SDC4: variants seen among roughly 807,000 people sequenced by gnomAD.
SDC4 encodes syndecan 4, also known as syndecan-4.
Under a neutral mutation model 20.5 loss-of-function variants are expected in SDC4, and 17 were observed. The ratio of observed to expected loss-of-function variants is 0.83; its 90% CI spans 0.57 to 1.25. The LOEUF is 1.25. Ranked by LOEUF, SDC4 falls within the 50% of genes most tolerant of loss-of-function variation. The pLI, the probability that SDC4 is intolerant of heterozygous loss-of-function variation, is 0.00. For synonymous variants in SDC4, 107 were observed against 105.3 expected, an observed-to-expected ratio of 1.02 and a Z score of -0.10; for missense variants, 241 against 252.3, an observed-to-expected ratio of 0.96 and a Z score of 0.30.
intron 2 of SDC4, among the ~76,000 whole-genome samples, chr20:45,334,777 G>A (rs1229459151): frequency 2.0e-5 from 3 of 152,076 alleles, no homozygotes; most frequent in Admixed American, 1.3e-4. Flanking sequence ...ATGAGCCACC[G>A]TGCCCGGCCA....
intron 1 of SDC4, among the ~76,000 whole-genome samples, chr20:45,340,747 A>G (rs1046948150): frequency 6.6e-6 from 1 of 152,234 alleles, no homozygotes; most frequent in Non-Finnish European, 1.5e-5. Flanking sequence ...CAGAAGGGTA[A>G]TAACTGGGCA....
chr20:45,335,338 A>T (rs139591127), intron 2 of SDC4, among the ~76,000 whole-genome samples: 2,607 of 151,962 alleles, frequency 0.017, 66 homozygotes, highest in South Asian at 0.13. Flanking sequence ...ATGCCACCAC[A>T]TCCAGCTAAT....
At chr20:45,333,805 A>G (rs748458205) in intron 2 of SDC4, among the ~76,000 whole-genome samples, 2 of 152,184 alleles carry the variant, frequency 1.3e-5, no homozygotes, top group Non-Finnish European at 2.9e-5. Context: ...AATTACTTCT[A>G]TTCAATGAAT....
rs6032125 is a variant in SDC4, at chr20:45,339,294, C to A, written c.61-3374G>T. ...AGGCCCAGCCCTGACCAGAGATGGA[C>A]CCCGCCCTGCTCCTGGCTAAGAATG... On this transcript the variant is annotated intron_variant, in intron 1 of 4. Transcript: ENST00000372733. 2.4e-4 allele frequency among the ~76,000 whole-genome samples: 36 copies of A among 152,348 alleles called. 1 individual carries two copies. Among genetic ancestry groups the A allele is most frequent in the African/African-American group, 8.7e-4 (36 of 41,582 alleles).
chr20:45,343,856 C>T (rs753669234), intron 1 of SDC4, among the ~76,000 whole-genome samples: 4 of 152,214 alleles, frequency 2.6e-5, no homozygotes, highest in African/African-American at 7.2e-5. Context: ...CCTGTCGTCT[C>T]CTTTAAGCTT....
intron 4 of SDC4, among the ~76,000 whole-genome samples, chr20:45,328,178 GTGCACACA>G (rs1013503491): frequency 5.9e-5 from 9 of 152,236 alleles, no homozygotes; most frequent in African/African-American, 2.2e-4. Flanking sequence ...TACATTCAAA[GTGCACACA>G]TGCAGAACAT....
At chr20:45,342,294 G>C (rs1987963793) in intron 1 of SDC4, among the ~76,000 whole-genome samples, 1 of 152,170 alleles carries the variant, frequency 6.6e-6, no homozygotes, top group Admixed American at 6.5e-5. Context: ...CTCCAGACCA[G>C]GTCAGTCTGT....
At chr20:45,342,559 T>G (rs1005458560) in intron 1 of SDC4, among the ~76,000 whole-genome samples, 1 of 151,642 alleles carries the variant, frequency 6.6e-6, no homozygotes, top group African/African-American at 2.4e-5. Context: ...CAGAGAAAAC[T>G]GGAGCAGCCG....
At chr20:45,330,682 T>A in intron 3 of SDC4, 118 bp from the exon 4 acceptor site, 1 of 867,256 alleles carries the variant, frequency 1.2e-6, no homozygotes, top group Non-Finnish European at 1.8e-6. Context: ...CTGAACCATA[T>A]GGTCCTGGAG....
At chr20:45,342,948 C>T (rs528100053) in intron 1 of SDC4, among the ~76,000 whole-genome samples, 3 of 152,296 alleles carry the variant, frequency 2.0e-5, no homozygotes, top group South Asian at 4.1e-4. Context: ...TGCCAAACAG[C>T]GATGATGACC....
chr20:45,348,104 G>A (rs1988059657), intron 1 of SDC4, among the ~76,000 whole-genome samples: 1 of 152,218 alleles, frequency 6.6e-6, no homozygotes, highest in Non-Finnish European at 1.5e-5. Context: ...CGGGGAGGCG[G>A]GAAGAGCAAC....
intron 4 of SDC4, among the ~76,000 whole-genome samples, 159 bp from the exon 5 acceptor site, chr20:45,327,574 C>A (rs1987712298): frequency 6.6e-6 from 1 of 152,272 alleles, no homozygotes. Context: ...AAGTTGACCT[C>A]ATGACCCCAG....
intron 1 of SDC4, among the ~76,000 whole-genome samples, chr20:45,347,602 T>A (rs1416697201): frequency 6.6e-6 from 1 of 152,150 alleles, no homozygotes; most frequent in Non-Finnish European, 1.5e-5. Flanking sequence ...TGAACACACT[T>A]CTTGCAGAAA....
intron 1 of SDC4, among the ~76,000 whole-genome samples, chr20:45,341,614 T>C (rs1271309634): frequency 6.6e-6 from 1 of 152,142 alleles, no homozygotes. Flanking sequence ...GGTCTGGTGC[T>C]CTGGTGCCTG....
chr20:45,333,123 C>T, intron 2 of SDC4, 54 bp from the exon 3 acceptor site: 1 of 1,557,220 alleles, frequency 6.4e-7, no homozygotes, highest in Admixed American at 1.7e-5. Flanking sequence ...GGAAAATGAC[C>T]CCTTCAGCCA....
At chr20:45,334,296 C>G (rs1452858898) in intron 2 of SDC4, among the ~76,000 whole-genome samples, 1 of 151,844 alleles carries the variant, frequency 6.6e-6, no homozygotes. Flanking sequence ...CGCGCCCGGC[C>G]AAAATCTACA....
At chr20:45,338,623 C>T (rs573627739) in intron 1 of SDC4, among the ~76,000 whole-genome samples, 16 of 152,342 alleles carry the variant, frequency 1.1e-4, no homozygotes, top group African/African-American at 3.6e-4. Context: ...TTAGGAATTA[C>T]CTCCGTTTTA....
intron 3 of SDC4, 75 bp from the exon 4 acceptor site, chr20:45,330,639 G>T: frequency 1.5e-6 from 2 of 1,296,490 alleles, no homozygotes; most frequent in Non-Finnish European, 2.2e-6. Flanking sequence ...GGGACATTCA[G>T]CCAGGCAGAG....
chr20:45,326,383 TAAAAAAAAAAAAAAA>T lies in SDC4; in HGVS notation c.*866_*880del, dbSNP rs35186241. 1 of 97,708 alleles carries T rather than the reference TAAAAAAAAAAAAAAA, an allele frequency of 1.0e-5. No homozygotes were observed. Among genetic ancestry groups the T allele is most frequent in the South Asian group, 3.4e-4 (1 of 2,914 alleles). The allele number at this position is 97,708 out of a possible 1,614,324, so 6.1% of individuals were successfully genotyped here. ...AGGCCCTATCTAAAGCTATAAATAG[TAAAAAAAAAAAAAAA>T]AAAAAAAAATTAATAAAAATCATCT... On this transcript the variant is annotated 3_prime_UTR_variant, in exon 5 of 5. Transcript: ENST00000372733.
Sources: allele counts gnomAD v4.1 joint callset (sites outside exome capture counted in the v4.1 genomes callset), GRCh38; gene constraint gnomAD v4.1.1; transcripts MANE v1.5; gene names NCBI Gene and HGNC (gene_info 2026-07-23, HGNC 2026-07-21).